Variants in ARHGAP24 observed in about 807,000 individuals in gnomAD.
The protein encoded by ARHGAP24 is rho GTPase-activating protein 24.
In ARHGAP24, 50 loss-of-function variants were observed where a neutral mutation model predicts 76.4. That is an observed-to-expected ratio of 0.65 (90% confidence interval 0.52 to 0.83). The LOEUF is 0.83. ARHGAP24 is among the 40% of genes least tolerant of loss of function. ARHGAP24 has a pLI of 0.00. For missense variants in ARHGAP24, 930 were observed against 914.2 expected, an observed-to-expected ratio of 1.02 and a Z score of -0.22; for synonymous variants, 345 against 323.3, an observed-to-expected ratio of 1.07 and a Z score of -0.72.
At chr4:86,000,397 C>T in intron 9 of ARHGAP24, 82 bp from the exon 10 acceptor site, 1 of 1,046,582 alleles carries the variant, frequency 9.6e-7, no homozygotes, top group Non-Finnish European at 1.5e-6. Context: ...ATTTGTATGT[C>T]TCTTGCATTT....
At chr4:85,533,950 A>G (rs1336196985) in intron 1 of ARHGAP24, among the ~76,000 whole-genome samples, 1 of 152,210 alleles carries the variant, frequency 6.6e-6, no homozygotes, top group Non-Finnish European at 1.5e-5. Context: ...TATCAAAGAC[A>G]CTTTTTCCCA....
intron 1 of ARHGAP24, among the ~76,000 whole-genome samples, chr4:85,486,211 T>G (rs1723043551): frequency 6.6e-6 from 1 of 152,170 alleles, no homozygotes; most frequent in Non-Finnish European, 1.5e-5. Flanking sequence ...TGGGCTAGTT[T>G]TCATCAGCTG....
At chr4:85,973,369 T>C (rs1282799259) in intron 6 of ARHGAP24, among the ~76,000 whole-genome samples, 1 of 152,208 alleles carries the variant, frequency 6.6e-6, no homozygotes, top group Non-Finnish European at 1.5e-5. Flanking sequence ...CCATTTTCAG[T>C]TGGGTTATTT....
At chr4:85,800,520 A>G (rs1728533312) in intron 3 of ARHGAP24, among the ~76,000 whole-genome samples, 1 of 152,082 alleles carries the variant, frequency 6.6e-6, no homozygotes, top group African/African-American at 2.4e-5. Flanking sequence ...GAAAAGGAGG[A>G]AGAAGAGGAG....
chr4:85,767,475 A>G (rs1020286400), intron 3 of ARHGAP24, among the ~76,000 whole-genome samples: 1 of 152,104 alleles, frequency 6.6e-6, no homozygotes, highest in Non-Finnish European at 1.5e-5. Context: ...AAATTACAGC[A>G]TGCTTTATGG....
At chr4:85,636,219 T>G (rs1281857662) in intron 2 of ARHGAP24, among the ~76,000 whole-genome samples, 1 of 151,852 alleles carries the variant, frequency 6.6e-6, no homozygotes, top group Non-Finnish European at 1.5e-5. Flanking sequence ...CTTTATTGCC[T>G]TCTCATATTT....
At chr4:85,944,177 T>C (rs1021336426) in intron 5 of ARHGAP24, among the ~76,000 whole-genome samples, 3 of 152,228 alleles carry the variant, frequency 2.0e-5, no homozygotes, top group Non-Finnish European at 2.9e-5. Flanking sequence ...TGGTATCTCA[T>C]TGTGGTTTTG....
intron 3 of ARHGAP24, among the ~76,000 whole-genome samples, chr4:85,856,616 A>G (rs1731587948): frequency 6.6e-6 from 1 of 151,568 alleles, no homozygotes; most frequent in African/African-American, 2.4e-5. Flanking sequence ...GATTACAGGC[A>G]TGCACCACCA....
intron 3 of ARHGAP24, among the ~76,000 whole-genome samples, chr4:85,852,639 G>A (rs1731304229): frequency 6.6e-6 from 1 of 152,182 alleles, no homozygotes; most frequent in Admixed American, 6.5e-5. Flanking sequence ...GGTTATTGGT[G>A]TGGATGTCCT....
At chr4:85,614,285 T>C (rs72982061) in intron 2 of ARHGAP24, among the ~76,000 whole-genome samples, 4,345 of 152,260 alleles carry the variant, frequency 0.029, 203 homozygotes, top group African/African-American at 0.099. Flanking sequence ...TTGTATGACA[T>C]TGGGCATCTT....
At chr4:85,564,969 T>C (rs184781361) in intron 1 of ARHGAP24, among the ~76,000 whole-genome samples, 1,613 of 105,312 alleles carry the variant, frequency 0.015, 53 homozygotes, top group African/African-American at 0.054. Context: ...TATATATATA[T>C]ACCCACACCC....
intron 1 of ARHGAP24, among the ~76,000 whole-genome samples, chr4:85,546,192 T>C (rs1017860381): frequency 6.6e-6 from 1 of 152,036 alleles, no homozygotes; most frequent in Non-Finnish European, 1.5e-5. Flanking sequence ...CACACACCAC[T>C]TGGAACAGTG....
Position 85,769,801 on chromosome 4 carries a change from C to A in ARHGAP24, c.268+47829C>A, listed in dbSNP as rs141181114. On this transcript the variant is annotated intron_variant, in intron 3 of 9. Coordinates refer to ENST00000395184, the MANE Select transcript of ARHGAP24 (RefSeq NM_001025616.3). Reference sequence around the variant, plus strand: ...ACGGGGTTTCACCATGTTAGCCAGGCTGGTCTTGAACTCTTGACCTCGTGA... The same window carrying A: ...ACGGGGTTTCACCATGTTAGCCAGGATGGTCTTGAACTCTTGACCTCGTGA... Among the ~76,000 whole-genome samples the A allele has an allele frequency of 4.0e-3, 602 of 152,140 alleles. 1 individual carries two copies. Among genetic ancestry groups the A allele is most frequent in the South Asian group, 0.012 (58 of 4,808 alleles).
At chr4:85,938,569 GA>G (rs1470487841) in intron 4 of ARHGAP24, among the ~76,000 whole-genome samples, 1 of 152,110 alleles carries the variant, frequency 6.6e-6, no homozygotes, top group Non-Finnish European at 1.5e-5. Flanking sequence ...TTTTAAGCCA[GA>G]AGTGTTTGGC....
At chr4:85,630,553 G>C (rs1270083430) in intron 2 of ARHGAP24, among the ~76,000 whole-genome samples, 1 of 152,078 alleles carries the variant, frequency 6.6e-6, no homozygotes, top group Non-Finnish European at 1.5e-5. Flanking sequence ...CAACTGTTGG[G>C]GTCTGTGAAG....
At chr4:85,516,156 C>T (rs188103472) in intron 1 of ARHGAP24, among the ~76,000 whole-genome samples, 9 of 152,278 alleles carry the variant, frequency 5.9e-5, no homozygotes, top group East Asian at 3.9e-4. Context: ...ATGGGCATGT[C>T]GACATAGTCC....
chr4:85,519,953 C>T (rs1443132563), intron 1 of ARHGAP24, among the ~76,000 whole-genome samples: 1 of 152,100 alleles, frequency 6.6e-6, no homozygotes, highest in African/African-American at 2.4e-5. Context: ...TTTTTGAAGT[C>T]ACTTTTGTAC....
chr4:85,669,552 G>T lies in ARHGAP24; in HGVS notation c.181-52333G>T, dbSNP rs554928531. On this transcript the variant is annotated intron_variant, in intron 2 of 9. Coordinates refer to ENST00000395184, the MANE Select transcript of ARHGAP24 (RefSeq NM_001025616.3). ...TGTTTGTATGTAGGTATGTAGGTAC[G>T]CACACATGTAGACACACAAATATGC... Among the ~76,000 whole-genome samples the T allele has an allele frequency of 1.9e-4, 28 of 149,918 alleles. No individual in the cohort carries two copies. In the East Asian group the frequency reaches 5.0e-3, roughly 27 times the overall value.
intron 5 of ARHGAP24, among the ~76,000 whole-genome samples, chr4:85,966,407 G>A (rs1348936335): frequency 1.3e-5 from 2 of 152,156 alleles, no homozygotes; most frequent in Non-Finnish European, 2.9e-5. Context: ...CCAGCACTTA[G>A]CCTGGAGGTG....
Sources: gnomAD v4.1 joint callset for allele counts (sites outside exome capture counted in the v4.1 genomes callset) on GRCh38, gnomAD v4.1.1 for gene constraint, MANE v1.5 for transcripts, NCBI Gene and HGNC (gene_info 2026-07-23, HGNC 2026-07-21) for gene names.